The following ALG14 variants were observed in gnomAD, a reference collection of about 807,000 sequenced individuals.
ALG14 encodes ALG14 UDP-N-acetylglucosaminyltransferase subunit, also known as UDP-N-acetylglucosamine transferase subunit ALG14.
ALG14 carries 17 observed loss-of-function variants against 22.8 expected under a neutral mutation model. The ratio of observed to expected loss-of-function variants is 0.75; its 90% CI spans 0.51 to 1.12. ALG14 has a LOEUF of 1.12. Ranked by LOEUF, ALG14 falls within the 50% of genes most tolerant of loss-of-function variation. ALG14 has a pLI of 0.00. For synonymous variants in ALG14, 89 were observed against 103.7 expected, an observed-to-expected ratio of 0.86 and a Z score of 0.86; for missense variants, 288 against 271.8, an observed-to-expected ratio of 1.06 and a Z score of -0.42.
intron 3 of ALG14, among the ~76,000 whole-genome samples, chr1:95,000,805 T>C (rs1442145550): frequency 1.8e-5 from 2 of 108,268 alleles, no homozygotes; most frequent in African/African-American, 3.7e-5. Context: ...AAAAAAGGAA[T>C]GAAGAAAGAG....
chr1:95,035,025 A>C (rs1353240463), intron 2 of ALG14, among the ~76,000 whole-genome samples: 1 of 152,164 alleles, frequency 6.6e-6, no homozygotes, highest in African/African-American at 2.4e-5. Flanking sequence ...CTTTTAGGGG[A>C]AAAATCAAAA....
At chr1:95,025,571 T>C (rs1001995242) in intron 3 of ALG14, among the ~76,000 whole-genome samples, 1 of 152,232 alleles carries the variant, frequency 6.6e-6, no homozygotes, top group Non-Finnish European at 1.5e-5. Context: ...CAGTTTTGTT[T>C]ATATGGAAAA....
chr1:95,057,521 G>T (rs1390873262), intron 2 of ALG14, among the ~76,000 whole-genome samples: 1 of 151,426 alleles, frequency 6.6e-6, no homozygotes, highest in Non-Finnish European at 1.5e-5. Flanking sequence ...TCTTATAAAA[G>T]GGACTTGAGC....
intron 2 of ALG14, among the ~76,000 whole-genome samples, chr1:95,048,624 T>C (rs1374073580): frequency 1.3e-4 from 20 of 152,324 alleles, no homozygotes; most frequent in Admixed American, 1.2e-3. Context: ...TTTACCTTCA[T>C]AGGGCTCTGG....
Position 95,044,882 on chromosome 1 carries a change from T to TAAAAAA in ALG14, c.289-17628_289-17623dup, listed in dbSNP as rs372248366. Among the ~76,000 whole-genome samples, 160 of 151,878 alleles carry TAAAAAA rather than the reference T, an allele frequency of 1.1e-3. 2 individuals are homozygous for TAAAAAA. Among genetic ancestry groups the TAAAAAA allele is most frequent in the Non-Finnish European group, 2.0e-3 (137 of 67,918 alleles). ...CTGAATAAACAAAGTATTTTTTTTT[T>TAAAAAA]AAAAAAAGCATTAGGATTCTGACAC... is the stretch of plus-strand genomic sequence containing the variant. On this transcript the variant is annotated intron_variant, in intron 2 of 3. Transcript: ENST00000370205.
At chr1:95,071,406 T>C (rs2100853727) in intron 1 of ALG14, among the ~76,000 whole-genome samples, 2 of 151,476 alleles carry the variant, frequency 1.3e-5, no homozygotes, top group East Asian at 3.9e-4. Context: ...ATTAGCTGAG[T>C]GTGGTGGTGC....
intron 3 of ALG14, among the ~76,000 whole-genome samples, chr1:95,019,525 AT>A (rs1320887301): frequency 6.6e-6 from 1 of 152,150 alleles, no homozygotes; most frequent in African/African-American, 2.4e-5. Context: ...TTTGAAGAAC[AT>A]TTTAATAATT....
At chr1:94,983,437 C>T in intron 3 of ALG14, 131 bp from the exon 4 acceptor site, 1 of 753,402 alleles carries the variant, frequency 1.3e-6, no homozygotes, top group African/African-American at 1.8e-5. Flanking sequence ...TGTCAAGAAC[C>T]AGGATGCAGC....
chr1:95,047,342 A>G (rs990968570), intron 2 of ALG14, among the ~76,000 whole-genome samples: 2 of 151,972 alleles, frequency 1.3e-5, no homozygotes, highest in African/African-American at 4.8e-5. Flanking sequence ...TTTACTTTGT[A>G]TATTTATTTA....
chr1:95,000,535 T>TA (rs71588535), intron 3 of ALG14, among the ~76,000 whole-genome samples: 24,921 of 70,380 alleles, frequency 0.35, 4,414 homozygotes, highest in African/African-American at 0.43. Flanking sequence ...GACCCTGTCC[T>TA]AAAAAAAAAA....
chr1:95,067,725 C>A (rs1675423184), intron 1 of ALG14, among the ~76,000 whole-genome samples: 1 of 152,200 alleles, frequency 6.6e-6, no homozygotes, highest in Non-Finnish European at 1.5e-5. Context: ...TTGATCTGTT[C>A]CCTGACCCAC....
rs182437167 is a variant in ALG14, at chr1:95,007,703, C to T, written c.420+19426G>A. Among the ~76,000 whole-genome samples, 3 of 152,360 alleles carry T rather than the reference C, an allele frequency of 2.0e-5. No homozygotes were observed. The East Asian group carries it at 5.8e-4, about 29-fold the overall frequency. ...CCCCATAAACCACAGCAATACCACC[C>T]ACTGGTTTGAACTTATGGAAACTAT... On this transcript the variant is annotated intron_variant, in intron 3 of 3. Transcript: ENST00000370205.
chr1:95,047,939 A>G (rs921299528), intron 2 of ALG14, among the ~76,000 whole-genome samples: 4 of 152,126 alleles, frequency 2.6e-5, no homozygotes, highest in Admixed American at 6.5e-5. Flanking sequence ...TCATACCACT[A>G]TATTCCTGCC....
intron 3 of ALG14, among the ~76,000 whole-genome samples, chr1:94,992,861 T>C (rs1672808639): frequency 6.6e-6 from 1 of 151,866 alleles, no homozygotes; most frequent in African/African-American, 2.4e-5. Flanking sequence ...AGATAACACA[T>C]GAAAGCATTT....
chr1:94,996,693 T>G (rs1417948264), intron 3 of ALG14, among the ~76,000 whole-genome samples: 1 of 152,036 alleles, frequency 6.6e-6, no homozygotes, highest in African/African-American at 2.4e-5. Flanking sequence ...TTATTTTTAT[T>G]TTTTTGAGAT....
At chr1:95,009,085 G>C (rs1265272378) in intron 3 of ALG14, among the ~76,000 whole-genome samples, 1 of 151,896 alleles carries the variant, frequency 6.6e-6, no homozygotes, top group Non-Finnish European at 1.5e-5. Flanking sequence ...TCTACCTTTT[G>C]ACTTGTGAAT....
At position 94,980,208 on chromosome 1, in the gene ALG14, C is replaced by T. The variant is rs1241647518; in HGVS notation, c.*2868G>A. ...GAAGCTTGGGTCATCTCCTTCCTAG[C>T]AAGGACATCTTGCTATTCAACTCAC... On this transcript the variant is annotated 3_prime_UTR_variant, in exon 4 of 4. Transcript: ENST00000370205. 1 of 152,116 alleles carries T rather than the reference C, an allele frequency of 6.6e-6. No homozygotes were observed. Among genetic ancestry groups the T allele is most frequent in the Non-Finnish European group, 1.5e-5 (1 of 68,012 alleles). The allele number at this position is 152,116 out of a possible 1,614,324, so 9.4% of individuals were successfully genotyped here.
intron 3 of ALG14, among the ~76,000 whole-genome samples, chr1:95,024,287 G>T (rs1557959003): frequency 6.6e-6 from 1 of 152,008 alleles, no homozygotes; most frequent in South Asian, 2.1e-4. Context: ...TTTTAAATAG[G>T]GTCTCTATTT....
chr1:94,986,055 A>C (rs1453521625), intron 3 of ALG14, among the ~76,000 whole-genome samples: 1 of 152,258 alleles, frequency 6.6e-6, no homozygotes, highest in African/African-American at 2.4e-5. Flanking sequence ...GACTTATTCC[A>C]AGCATTGAAC....
Sources: gnomAD v4.1 joint callset for allele counts (sites outside exome capture counted in the v4.1 genomes callset) on GRCh38, gnomAD v4.1.1 for gene constraint, MANE v1.5 for transcripts, NCBI Gene and HGNC (gene_info 2026-07-23, HGNC 2026-07-21) for gene names.